Variants in CCDC91 observed in about 807,000 individuals in gnomAD.
CCDC91 encodes the protein coiled-coil domain-containing protein 91.
A neutral mutation model predicts 63.2 loss-of-function variants in CCDC91; 48 were observed. That is an observed-to-expected ratio of 0.76 (90% CI 0.60 to 0.97). The LOEUF (loss-of-function observed/expected upper bound fraction) is 0.97, where lower values mean the gene tolerates loss of function less well. Ranked by LOEUF, CCDC91 falls within the 50% of genes least tolerant of loss-of-function variation. The pLI is 0.00. For missense variants in CCDC91, 500 were observed against 494.6 expected (o/e 1.01, Z -0.10); for synonymous variants, 167 against 165.8 (o/e 1.01, Z -0.06).
intron 1 of CCDC91, among the ~76,000 whole-genome samples, chr12:28,251,311 G>T (rs1036375086): frequency 1.1e-4 from 17 of 151,914 alleles, no homozygotes; most frequent in Admixed American, 7.2e-4. Flanking sequence ...GGTTGGTTAG[G>T]TTTTGAGCAA....
At chr12:28,215,787 A>G (rs868756155) in intron 1 of CCDC91, among the ~76,000 whole-genome samples, 11 of 152,148 alleles carry the variant, frequency 7.2e-5, no homozygotes, top group Non-Finnish European at 1.6e-4. Flanking sequence ...AAAGTGACAC[A>G]TACCTGCTGT....
chr12:28,459,620 A>T (rs1950211657), intron 11 of CCDC91, among the ~76,000 whole-genome samples: 1 of 152,172 alleles, frequency 6.6e-6, no homozygotes, highest in South Asian at 2.1e-4. Context: ...ATTGTTACTC[A>T]ATGAAAAACT....
At chr12:28,312,048 A>G (rs1426416101) in intron 6 of CCDC91, among the ~76,000 whole-genome samples, 1 of 152,016 alleles carries the variant, frequency 6.6e-6, no homozygotes, top group Non-Finnish European at 1.5e-5. Flanking sequence ...TTATTGATAG[A>G]AATAGGGAGA....
At chr12:28,521,448 C>T (rs1592941212) in intron 12 of CCDC91, among the ~76,000 whole-genome samples, 1 of 152,234 alleles carries the variant, frequency 6.6e-6, no homozygotes, top group African/African-American at 2.4e-5. Context: ...GCTGAATTTG[C>T]TTATGAGCTT....
intron 12 of CCDC91, among the ~76,000 whole-genome samples, chr12:28,522,131 A>T (rs898649713): frequency 2.0e-5 from 3 of 152,160 alleles, no homozygotes; most frequent in African/African-American, 7.2e-5. Context: ...TGATTGGAAT[A>T]GTTTCAGAAG....
chr12:28,436,652 T>G (rs1182787655), intron 8 of CCDC91, among the ~76,000 whole-genome samples: 2 of 151,892 alleles, frequency 1.3e-5, no homozygotes, highest in African/African-American at 4.8e-5. Flanking sequence ...TAACATGTCT[T>G]GTTGAGCAGA....
intron 12 of CCDC91, among the ~76,000 whole-genome samples, chr12:28,508,735 C>G (rs961730753): frequency 7.9e-5 from 12 of 151,846 alleles, no homozygotes; most frequent in African/African-American, 2.7e-4. Context: ...GTCAGTACCT[C>G]TAAAGCCCAG....
intron 6 of CCDC91, among the ~76,000 whole-genome samples, chr12:28,355,050 CT>C (rs1943432369): frequency 6.6e-6 from 1 of 151,920 alleles, no homozygotes; most frequent in South Asian, 2.1e-4. Flanking sequence ...CCTTGCTGTC[CT>C]TCCTTTCCTT....
chr12:28,466,708 T>C (rs1247355180), intron 11 of CCDC91, among the ~76,000 whole-genome samples: 2 of 152,052 alleles, frequency 1.3e-5, no homozygotes. Context: ...CTATAAGAAA[T>C]GCTAAAGGGA....
rs570760140 is a variant in CCDC91 at position 28,420,220 on chromosome 12, C to T, written c.762+28809C>T. Among the ~76,000 whole-genome samples the T allele has an allele frequency of 3.3e-5, 5 of 152,130 alleles. No homozygotes were observed. In the East Asian group the frequency reaches 5.8e-4, roughly 18 times the overall value. On this transcript the variant is annotated intron_variant, in intron 8 of 12. Transcript: ENST00000536442. The stretch of plus-strand genomic sequence containing the variant: ...ACTTCAAAACTTAAAGCAAAAAAAT[C>T]ACAAATCATAACAATGCATTCTGTT...
At chr12:28,448,524 A>G (rs1011296468) in intron 8 of CCDC91, among the ~76,000 whole-genome samples, 1 of 152,198 alleles carries the variant, frequency 6.6e-6, no homozygotes, top group Non-Finnish European at 1.5e-5. Context: ...AATGAATTTT[A>G]TAAACATCAC....
intron 1 of CCDC91, among the ~76,000 whole-genome samples, chr12:28,194,080 T>C (rs190918396): frequency 1.3e-5 from 2 of 152,228 alleles, no homozygotes; most frequent in Admixed American, 6.5e-5. Context: ...TTTTCTCTTA[T>C]GATTTGTGCT....
chr12:28,456,577 A>G lies in CCDC91; in HGVS notation c.1101+3923A>G, dbSNP rs1950068898. Among the ~76,000 whole-genome samples, 5 of 152,184 alleles carry G rather than the reference A, an allele frequency of 3.3e-5. No individual in the cohort carries two copies. The South Asian group carries it at 1.0e-3, about 32-fold the overall frequency. ...TGATAGCGCTTATATTTGACAAAAC[A>G]TATCAAATTACACACTTAATATTTG... On this transcript the variant is annotated intron_variant, in intron 11 of 12. Coordinates refer to ENST00000536442, the MANE Select transcript of CCDC91 (RefSeq NM_018318.5).
At chr12:28,526,648 G>A (rs1311591779) in intron 12 of CCDC91, among the ~76,000 whole-genome samples, 2 of 151,946 alleles carry the variant, frequency 1.3e-5, no homozygotes, top group Non-Finnish European at 2.9e-5. Flanking sequence ...GGATGTCTAG[G>A]TTTCTAGCAA....
chr12:28,267,872 A>T (rs1465355579), intron 3 of CCDC91, among the ~76,000 whole-genome samples: 12 of 63,656 alleles, frequency 1.9e-4, no homozygotes, highest in South Asian at 1.4e-3. Context: ...ATTATATATA[A>T]TTATATATAA....
Position 28,485,180 on chromosome 12 carries a change from A to C in CCDC91, c.1215+1015A>C, listed in dbSNP as rs1003675290. 3.3e-5 allele frequency among the ~76,000 whole-genome samples: 5 copies of C among 150,220 alleles called. 1 individual carries two copies. Among genetic ancestry groups the C allele is most frequent in the African/African-American group, 1.2e-4 (5 of 40,758 alleles). ...CTTTTTTTTTTTGTTTTTTTTTGAG[A>C]CAGAGGCTTGCTCTGTTGCCCAGGC... On this transcript the variant is annotated intron_variant, in intron 12 of 12. Transcript: ENST00000536442.
At chr12:28,334,733 A>G (rs1007346931) in intron 6 of CCDC91, among the ~76,000 whole-genome samples, 5 of 152,160 alleles carry the variant, frequency 3.3e-5, no homozygotes, top group African/African-American at 1.2e-4. Context: ...CCAATGGGGC[A>G]GTATCATATA....
At chr12:28,328,622 T>C (rs1221767081) in intron 6 of CCDC91, among the ~76,000 whole-genome samples, 1 of 152,178 alleles carries the variant, frequency 6.6e-6, no homozygotes, top group African/African-American at 2.4e-5. Context: ...GTGCTTGTGC[T>C]TAAAAGCAGT....
At chr12:28,267,219 T>C (rs187800833) in intron 3 of CCDC91, among the ~76,000 whole-genome samples, 4 of 152,022 alleles carry the variant, frequency 2.6e-5, no homozygotes, top group Admixed American at 1.3e-4. Context: ...CTTCCAGGCA[T>C]GTACAATTGT....
Sources: allele counts gnomAD v4.1 joint callset (sites outside exome capture counted in the v4.1 genomes callset), GRCh38; gene constraint gnomAD v4.1.1; transcripts MANE v1.5; gene names NCBI Gene and HGNC (gene_info 2026-07-23, HGNC 2026-07-21).